CEP152: variants seen among roughly 807,000 people sequenced by gnomAD.
The protein encoded by CEP152 is centrosomal protein 152.
A neutral mutation model predicts 188.9 loss-of-function variants in CEP152; 132 were observed. That is an observed-to-expected ratio of 0.70 (90% CI 0.61 to 0.81). CEP152 has a LOEUF of 0.81. Among genes scored for constraint, CEP152 ranks in the 30% least tolerant of loss-of-function variants. The probability of loss-of-function intolerance (pLI) is 0.00; values close to 1 mark genes in which losing one functional copy is unlikely to be tolerated. For synonymous variants in CEP152, 649 were observed against 666.6 expected (o/e 0.97, Z 0.41); for missense variants, 1,914 against 1,969.8 (o/e 0.97, Z 0.54).
At chr15:48,751,752 A>G (rs1273732808) in intron 21 of CEP152, among the ~76,000 whole-genome samples, 1 of 152,210 alleles carries the variant, frequency 6.6e-6, no homozygotes, top group Non-Finnish European at 1.5e-5. Context: ...TGAAATCTCC[A>G]TGAATAGGCA....
Position 48,797,401 on chromosome 15 carries a change from G to T in CEP152, c.440C>A (p.Pro147His). ...ATTGGTATATGGCCTAAAGTTTTCAGGAAGGTGATATAAATCAGTCTGTTC... is the reference window on the plus strand; with the variant it reads ...ATTGGTATATGGCCTAAAGTTTTCATGAAGGTGATATAAATCAGTCTGTTC... ...KCEQTDLYHLPENFRPYTNGQ... is the reference protein window; with the variant it reads ...KCEQTDLYHLHENFRPYTNGQ... The change falls in exon 5 of 27, where the codon CCT becomes CAT. Residue 147 changes from proline to histidine, a missense_variant. Pro to His is a moderately conservative substitution (Grantham distance 77). Coordinates refer to ENST00000380950, the MANE Select transcript of CEP152 (RefSeq NM_001194998.2). 6.2e-7 allele frequency: 1 copy of T among 1,614,114 alleles called. No homozygotes were observed. The highest frequency in any genetic ancestry group is 8.5e-7 in the Non-Finnish European group (1 of 1,179,978).
In CEP152 at chr15:48,738,166, G is replaced by A; in HGVS notation, c.*83C>T. ...TATTAAAACATCTCAAAAGAGGCAG[G>A]GCTCACAATTTTTTTCAGTATGAGG... On this transcript the variant is annotated 3_prime_UTR_variant, in exon 27 of 27. Coordinates refer to ENST00000380950, the MANE Select transcript of CEP152 (RefSeq NM_001194998.2). 1 of 1,383,192 alleles carries A rather than the reference G, an allele frequency of 7.2e-7. No homozygotes were observed. Among genetic ancestry groups the A allele is most frequent in the Non-Finnish European group, 9.7e-7 (1 of 1,030,152 alleles). 85.7% of individuals were successfully genotyped at this position (1,383,192 alleles called of 1,614,324 possible). A position where few individuals can be genotyped will look rare whatever the true frequency, so the allele number is the denominator to read the frequency against.
In CEP152 at chr15:48,750,721, C is replaced by T. The variant is rs568177003; in HGVS notation, c.3466+1628G>A. Among the ~76,000 whole-genome samples, 628 of 151,886 alleles carry T rather than the reference C, an allele frequency of 4.1e-3. 5 individuals are homozygous for T. Among genetic ancestry groups the T allele is most frequent in the African/African-American group, 0.015 (605 of 41,398 alleles). ...CAAATCTTAGTAGCATGCTGTTAAA[C>T]AGGAAAAAAGCAAGTTACAAAGAAT... On this transcript the variant is annotated intron_variant, in intron 21 of 26. Coordinates refer to ENST00000380950, the MANE Select transcript of CEP152 (RefSeq NM_001194998.2).
rs750932872 is a variant in CEP152 at position 48,738,471 on chromosome 15, A to T, written c.4911T>A (p.Thr1637=). 1.9e-6 allele frequency: 3 copies of T among 1,614,100 alleles called. No homozygotes were observed. In the African/African-American group the frequency reaches 4.0e-5, roughly 22 times the overall value. The change falls in exon 27 of 27, where the codon ACT becomes ACA. Residue 1637 remains threonine, a synonymous_variant. Coordinates refer to ENST00000380950, the MANE Select transcript of CEP152 (RefSeq NM_001194998.2). ...CQTMKCQRYQ[T]PYLSEETTYL... ...ACGTGGTTTCTTCTGACAGGTATGG[A>T]GTTTGATAACGCTGACATTTCATTG...
At chr15:48,781,052 C>T in intron 12 of CEP152, 144 bp downstream of exon 12, 1 of 717,508 alleles carries the variant, frequency 1.4e-6, no homozygotes, top group South Asian at 1.8e-5. Flanking sequence ...TTTATACTAT[C>T]ACTGATAAAT....
In CEP152 at chr15:48,738,727, C is replaced by T. The variant is rs1304130650; in HGVS notation, c.4655G>A (p.Ser1552Asn). The change falls in exon 27 of 27, where the codon AGT becomes AAT. Residue 1552 changes from serine (S) to asparagine (N), a missense_variant. Transcript: ENST00000380950. ...AGGTTCCTGAACATCCAAACCTTGACTTTTCTCAGATGCAGCATTTTCACT... is the reference window on the plus strand; with the variant it reads ...AGGTTCCTGAACATCCAAACCTTGATTTTTCTCAGATGCAGCATTTTCACT... ...MESENAASEK[S>N]QGLDVQEPPV... 16 of 1,614,066 alleles carry T rather than the reference C, an allele frequency of 9.9e-6. No individual in the cohort carries two copies. The highest frequency in any genetic ancestry group is 1.3e-5 in the Non-Finnish European group (15 of 1,180,030).
At chr15:48,733,654 A>T (rs1387921409), downstream of CEP152, among the ~76,000 whole-genome samples, 1 of 152,220 alleles carries the variant, frequency 6.6e-6, no homozygotes, top group Non-Finnish European at 1.5e-5. Flanking sequence ...GGATAAATCT[A>T]GAAATCCTAG....
At chr15:48,741,456 C>A (rs1892966039) in intron 26 of CEP152, 145 bp downstream of exon 26, 2 of 1,519,684 alleles carry the variant, frequency 1.3e-6, no homozygotes, top group Non-Finnish European at 1.8e-6. Context: ...ACTCTTTTTG[C>A]GTAAACTTCT....
intron 16 of CEP152, 49 bp from the exon 17 acceptor site, chr15:48,767,241 C>T (rs749846289): frequency 6.2e-7 from 1 of 1,613,768 alleles, no homozygotes; most frequent in Admixed American, 1.7e-5. Flanking sequence ...CAAAAAAATA[C>T]AAGAGCTGCA....
In CEP152 at chr15:48,738,383, A is replaced by G. The variant is rs976237608; in HGVS notation, c.4999T>C (p.Leu1667=). The part of the protein sequence containing the change: ...GHPSRHKADR[L]KSDFKKLSST... Reference sequence around the variant, plus strand: ...CTCAGTTTTTTGAAATCTGACTTTAATCTATCAGCCTTATGACGAGATGGG... The same window carrying G: ...CTCAGTTTTTTGAAATCTGACTTTAGTCTATCAGCCTTATGACGAGATGGG... Residue 1667 remains leucine, a synonymous_variant, in exon 27 of 27, where the codon TTA becomes CTA. Coordinates refer to ENST00000380950, the MANE Select transcript of CEP152 (RefSeq NM_001194998.2). The G allele has an allele frequency of 3.2e-5, 52 of 1,614,078 alleles. No homozygotes were observed. Among genetic ancestry groups the G allele is most frequent in the Non-Finnish European group, 4.3e-5 (51 of 1,180,028 alleles).
At chr15:48,788,174 A>G (rs1896779209) in intron 9 of CEP152, among the ~76,000 whole-genome samples, 1 of 152,186 alleles carries the variant, frequency 6.6e-6, no homozygotes, top group Non-Finnish European at 1.5e-5. Context: ...GTCTGGATTT[A>G]TTCTAGGACC....
chr15:48,798,240 T>G (rs1897446358), intron 2 of CEP152, among the ~76,000 whole-genome samples, 189 bp from the exon 3 acceptor site: 1 of 151,294 alleles, frequency 6.6e-6, no homozygotes. Flanking sequence ...AATGCATAAT[T>G]TTAGGATTTA....
intron 24 of CEP152, 29 bp from the exon 25 acceptor site, chr15:48,742,129 A>G: frequency 6.2e-7 from 1 of 1,609,596 alleles, no homozygotes; most frequent in Admixed American, 1.7e-5. Flanking sequence ...ATGCCCACAG[A>G]ATGTATGTTT....
rs761884109 is a variant in CEP152 at position 48,760,235 on chromosome 15, C to T, written c.2594G>A (p.Arg865Gln). 4 of 1,613,978 alleles carry T rather than the reference C, an allele frequency of 2.5e-6. No individual in the cohort carries two copies. The highest frequency in any genetic ancestry group is 1.6e-4 in the Middle Eastern group (1 of 6,062). Reference sequence around the variant, plus strand: ...CAGCTCTGGTAGTTCTCCCAGCCATCGCTGATGAGCATTTTGCACAGCTAT... The same window carrying T: ...CAGCTCTGGTAGTTCTCCCAGCCATTGCTGATGAGCATTTTGCACAGCTAT... ...VEIAVQNAHQ[R>Q]WLGELPELAE... The change falls in exon 19 of 27, where the codon CGA becomes CAA. Residue 865 changes from arginine (R) to glutamine (Q), a missense_variant. Physicochemically the swap from Arg to Gln is conservative, Grantham distance 43 (BLOSUM62 1). Transcript: ENST00000380950.
chr15:48,759,755 A>G (rs528398977), intron 19 of CEP152, among the ~76,000 whole-genome samples: 83 of 152,328 alleles, frequency 5.4e-4, no homozygotes, highest in African/African-American at 1.9e-3. Flanking sequence ...TCTGGAAAGG[A>G]GAACTGGCTA....
Position 48,738,056 on chromosome 15 carries a change from A to C in CEP152, c.*193T>G. On this transcript the variant is annotated 3_prime_UTR_variant, in exon 27 of 27. Transcript: ENST00000380950. ...AGCACCACACAAAAGCAGATTATAC[A>C]TACACCATCAGGCCTTTGGAATATT... The C allele has an allele frequency of 3.2e-6, 2 of 632,816 alleles. No homozygotes were observed. The highest frequency in any genetic ancestry group is 5.3e-6 in the Non-Finnish European group (2 of 380,670). 39.2% of individuals were successfully genotyped at this position (632,816 alleles called of 1,614,324 possible).
At position 48,782,247 on chromosome 15, in the gene CEP152, C is replaced by T; in HGVS notation, c.1322-17G>A. On this transcript the variant is annotated splice_polypyrimidine_tract_variant and intron_variant, in intron 10 of 26. Coordinates refer to ENST00000380950, the MANE Select transcript of CEP152 (RefSeq NM_001194998.2). ...GTACTGACCCTGCAGAGGAAAGAAC[C>T]ATAGGATATACTGAAAAAATTAAGG... 1.2e-6 allele frequency: 2 copies of T among 1,610,548 alleles called. No homozygotes were observed. Among genetic ancestry groups the T allele is most frequent in the Non-Finnish European group, 1.7e-6 (2 of 1,177,084 alleles).
chr15:48,762,010 T>C (rs898981619), intron 18 of CEP152, among the ~76,000 whole-genome samples: 4 of 152,238 alleles, frequency 2.6e-5, no homozygotes, highest in African/African-American at 4.8e-5. Flanking sequence ...AAATACCTTA[T>C]GTGCTTAGGT....
intron 23 of CEP152, among the ~76,000 whole-genome samples, chr15:48,744,634 T>C (rs1222787984): frequency 6.6e-6 from 1 of 152,124 alleles, no homozygotes; most frequent in Non-Finnish European, 1.5e-5. Context: ...TCTAGTAATA[T>C]TAATAAAAAG....
Sources: allele counts gnomAD v4.1 joint callset (sites outside exome capture counted in the v4.1 genomes callset), GRCh38; gene constraint gnomAD v4.1.1; transcripts MANE v1.5; gene names NCBI Gene and HGNC (gene_info 2026-07-23, HGNC 2026-07-21).